PLCXD1: variants seen among roughly 807,000 people sequenced by gnomAD.
PLCXD1 encodes PI-PLC X domain-containing protein 1.
A neutral mutation model predicts 37.8 loss-of-function variants in PLCXD1; 45 were observed. The observed-to-expected ratio is 1.19, with a 90% CI of 0.94 to 1.53. PLCXD1 has a LOEUF of 1.53. PLCXD1 is among the 40% of genes most tolerant of loss of function. PLCXD1 has a pLI of 0.00. For missense variants in PLCXD1, 539 were observed against 454.7 expected, an observed-to-expected ratio of 1.19 and a Z score of -1.69; for synonymous variants, 246 against 206.9, an observed-to-expected ratio of 1.19 and a Z score of -1.62.
At chrX:279,692 T>C (rs956372938), upstream of PLCXD1, among the ~76,000 whole-genome samples, 4 of 151,066 alleles carry the variant, frequency 2.6e-5, no homozygotes, top group African/African-American at 7.3e-5. Flanking sequence ...GCGAATAGCT[T>C]GAATCCAGGA....
chrX:288,091 T>G (rs1195294607), intron 2 of PLCXD1, among the ~76,000 whole-genome samples: 2 of 150,178 alleles, frequency 1.3e-5, no homozygotes, highest in Non-Finnish European at 3.0e-5. Flanking sequence ...CCACGTGGCC[T>G]CCTCCTCTGG....
intron 2 of PLCXD1, among the ~76,000 whole-genome samples, chrX:285,607 A>G (rs1184851973): frequency 2.6e-5 from 4 of 152,062 alleles, no homozygotes; most frequent in African/African-American, 9.7e-5. Flanking sequence ...ACATATGCAC[A>G]CGTGTACACA....
At position 293,140 on chromosome X, in the gene PLCXD1, C is replaced by T. The variant is rs1394086482; in HGVS notation, c.655C>T (p.Pro219Ser). The T allele has an allele frequency of 6.2e-7, 1 of 1,612,322 alleles. No homozygotes were observed. Among genetic ancestry groups the T allele is most frequent in the African/African-American group, 1.3e-5 (1 of 74,974 alleles). Residue 219 changes from proline (P) to serine (S), a missense_variant, in exon 6 of 7, where the codon CCC becomes TCC. Transcript: ENST00000381657. ...GCACCACGAGCTGTGGCCAGGAGTC[C>T]CCTACTGGTGGGGAAACAGGGTGAA... ...RRHHELWPGV[P>S]YWWGNRVKTE... is the part of the protein sequence containing the mutation.
chrX:284,437 G>A (rs779537478), intron 2 of PLCXD1, 123 bp downstream of exon 2: 2 of 1,074,098 alleles, frequency 1.9e-6, no homozygotes, highest in Admixed American at 2.2e-5. Context: ...CTGGGTGTAG[G>A]GAAATCCTAG....
Position 299,079 on chromosome X carries a change from C to G in PLCXD1, c.734-18C>G. 1 of 1,592,334 alleles carries G rather than the reference C, an allele frequency of 6.3e-7. No homozygotes were observed. The highest frequency in any genetic ancestry group is 1.1e-5 in the South Asian group (1 of 90,652). The stretch of plus-strand genomic sequence containing the variant: ...AGGCCCGTGACCGTGTAACCTCTCC[C>G]CACCCTCACCGTTGCAGGAGGGTTG... On this transcript the variant is annotated intron_variant, in intron 6 of 6. Coordinates refer to ENST00000381657, the MANE Select transcript of PLCXD1 (RefSeq NM_018390.4).
At chrX:280,022 T>C (rs920387554), upstream of PLCXD1, among the ~76,000 whole-genome samples, 2 of 152,154 alleles carry the variant, frequency 1.3e-5, no homozygotes, top group African/African-American at 4.8e-5. Flanking sequence ...ATGATTTTTG[T>C]ATTTTTACCA....
chrX:292,289 A>G (rs2069662582), intron 5 of PLCXD1, among the ~76,000 whole-genome samples: 2 of 151,668 alleles, frequency 1.3e-5, no homozygotes, highest in African/African-American at 4.8e-5. Context: ...CCCCGTCTCT[A>G]CTAACACAAA....
chrX:294,571 T>A (rs1258712616), intron 6 of PLCXD1, among the ~76,000 whole-genome samples: 1 of 149,236 alleles, frequency 6.7e-6, no homozygotes, highest in Non-Finnish European at 1.5e-5. Context: ...CGGAGGTTGC[T>A]GTGATCCATG....
At chrX:294,324 T>C (rs1312601868) in intron 6 of PLCXD1, among the ~76,000 whole-genome samples, 5 of 151,818 alleles carry the variant, frequency 3.3e-5, no homozygotes, top group Non-Finnish European at 5.9e-5. Context: ...CTACTAAAAA[T>C]ACAAAAAATT....
At chrX:280,359 G>A (rs373544031), upstream of PLCXD1, among the ~76,000 whole-genome samples, 9,893 of 26,778 alleles carry the variant, frequency 0.37, 947 homozygotes, top group East Asian at 0.42. Flanking sequence ...GGGGGAAGGG[G>A]GGCCGTGCAG....
chrX:277,265 ACG>A (rs1276788159), upstream of PLCXD1, among the ~76,000 whole-genome samples: 19 of 58,606 alleles, frequency 3.2e-4, no homozygotes, highest in African/African-American at 8.7e-4. Context: ...GTCAGGGGGA[ACG>A]TGGGGACAGA....
At chrX:284,452 C>A in intron 2 of PLCXD1, 138 bp downstream of exon 2, 1 of 903,700 alleles carries the variant, frequency 1.1e-6, no homozygotes, top group Non-Finnish European at 1.7e-6. Flanking sequence ...TCCTAGAAAG[C>A]ACACTGATGT....
upstream of PLCXD1, among the ~76,000 whole-genome samples, chrX:278,308 C>A (rs762782837): frequency 2.0e-5 from 3 of 152,110 alleles, no homozygotes; most frequent in East Asian, 5.8e-4. Context: ...ATGACAGTAG[C>A]CGGAATGGAT....
At chrX:287,722 A>G (rs2069503593) in intron 2 of PLCXD1, among the ~76,000 whole-genome samples, 3 of 145,572 alleles carry the variant, frequency 2.1e-5, no homozygotes, top group Admixed American at 1.4e-4. Context: ...ATATATAGAT[A>G]TATGTCATAT....
chrX:288,392 C>T (rs1348134987), intron 2 of PLCXD1, among the ~76,000 whole-genome samples: 2 of 152,106 alleles, frequency 1.3e-5, no homozygotes, highest in Non-Finnish European at 2.9e-5. Flanking sequence ...CGCATCACTC[C>T]AGTCTCTGCC....
At chrX:283,937 A>T (rs2069362547) in intron 1 of PLCXD1, 3 of 435,926 alleles carry the variant, frequency 6.9e-6, no homozygotes. Context: ...CCTGGAGTGC[A>T]GTGGCGGGAT....
chrX:278,460 C>T (rs1435757828), upstream of PLCXD1, among the ~76,000 whole-genome samples: 1 of 152,056 alleles, frequency 6.6e-6, no homozygotes, highest in African/African-American at 2.4e-5. Context: ...TTTTGCTGGC[C>T]GGGCACGGTG....
Position 300,527 on chromosome X carries a change from CGTGTATGCATACATGTATAT to C in PLCXD1, c.*1203_*1222del, listed in dbSNP as rs1442696964. ...ATGTATATGTGTGCATATGTGTATACGTGTATGCATACATGTATATGTGTATGCATGTATATGTGTATGTG... is the reference window on the plus strand; with the variant it reads ...ATGTATATGTGTGCATATGTGTATACGTGTATGCATGTATATGTGTATGTG... On this transcript the variant is annotated 3_prime_UTR_variant, in exon 7 of 7. Transcript: ENST00000381657. 2.7e-5 allele frequency: 4 copies of C among 145,738 alleles called. No homozygotes were observed. Among genetic ancestry groups the C allele is most frequent in the Non-Finnish European group, 6.0e-5 (4 of 67,004 alleles). The allele number at this position is 145,738 out of a possible 1,614,324, so 9.0% of individuals were successfully genotyped here.
intron 1 of PLCXD1, among the ~76,000 whole-genome samples, chrX:282,929 G>A (rs1200281762): frequency 8.1e-6 from 1 of 124,022 alleles, no homozygotes; most frequent in East Asian, 2.1e-4. Flanking sequence ...TGTTATACAT[G>A]TATGTTATAT....
Sources: allele counts gnomAD v4.1 joint callset (sites outside exome capture counted in the v4.1 genomes callset), GRCh38; gene constraint gnomAD v4.1.1; transcripts MANE v1.5; gene names NCBI Gene and HGNC (gene_info 2026-07-23, HGNC 2026-07-21).